FTCD: variants seen among roughly 807,000 people sequenced by gnomAD.
The protein encoded by FTCD is formimidoyltransferase cyclodeaminase.
In FTCD, 76 loss-of-function variants were observed where a neutral mutation model predicts 62.9. The ratio of observed to expected loss-of-function variants is 1.21; its 90% CI spans 1.00 to 1.46. The LOEUF is 1.46. Ranked by LOEUF, FTCD falls within the 40% of genes most tolerant of loss-of-function variation. FTCD has a pLI of 0.00. For synonymous variants in FTCD, 397 were observed against 336.9 expected, an observed-to-expected ratio of 1.18 and a Z score of -1.95; for missense variants, 845 against 751.3, an observed-to-expected ratio of 1.12 and a Z score of -1.46.
At position 46,138,896 on chromosome 21, in the gene FTCD, G is replaced by A. The variant is rs199735089; in HGVS notation, c.1288C>T (p.Pro430Ser). ...LEAMRLPKNT[P>S]EEKDRRTAAL... ...CAGGCTCACCTGTCCTTTTCCTCAG[G>A]TGTGTTCTTGGGGAGCCTCATTGCT... The change falls in exon 11 of 14, where the codon CCT (proline) becomes TCT (serine). Residue 430 changes from proline (P) to serine (S), a missense_variant. By Grantham distance (74) the Pro-to-Ser change is moderately conservative. Transcript: ENST00000397746. 89 of 1,612,984 alleles carry A rather than the reference G, an allele frequency of 5.5e-5. No individual in the cohort carries two copies. The highest frequency in any genetic ancestry group is 1.7e-5 in the Admixed American group (1 of 59,996).
chr21:46,140,753 C>T (rs59902485), intron 10 of FTCD, among the ~76,000 whole-genome samples: 2,211 of 21,468 alleles, frequency 0.1, no homozygotes, highest in South Asian at 0.14. Context: ...CGTAAACCAA[C>T]CCAGCACTCC....
chr21:46,141,802 T>C (rs73908558), intron 10 of FTCD, among the ~76,000 whole-genome samples: 2,719 of 152,112 alleles, frequency 0.018, 81 homozygotes, highest in African/African-American at 0.062. Context: ...GATAACTTCC[T>C]GGAAAAGAAG....
chr21:46,149,887 G>A (rs979009966), intron 7 of FTCD, among the ~76,000 whole-genome samples: 1 of 152,188 alleles, frequency 6.6e-6, no homozygotes, highest in African/African-American at 2.4e-5. Context: ...AAGCAGAAAG[G>A]GTGGGGTGTC....
chr21:46,149,803 G>A (rs569876148), intron 7 of FTCD, among the ~76,000 whole-genome samples: 3 of 152,318 alleles, frequency 2.0e-5, no homozygotes, highest in African/African-American at 7.2e-5. Context: ...AGGGGTGCAG[G>A]ACGCCCCGAT....
rs774544264 is a variant in FTCD at position 46,137,077 on chromosome 21, A to C, written c.1540-4T>G. The C allele has an allele frequency of 2.6e-5, 42 of 1,613,592 alleles. No homozygotes were observed. Among genetic ancestry groups the C allele is most frequent in the Non-Finnish European group, 1.1e-5 (13 of 1,179,972 alleles). ...GGCTGGAAACACGATGGTGGATCTG[A>C]TGGACACAGGGAAAGAGGGGTCTGG... On this transcript the variant is annotated splice_polypyrimidine_tract_variant and splice_region_variant and intron_variant, in intron 13 of 13. Coordinates refer to ENST00000397746, the MANE Select transcript of FTCD (RefSeq NM_206965.2).
At chr21:46,147,300 A>AC (rs1393933613) in intron 7 of FTCD, among the ~76,000 whole-genome samples, 4 of 151,388 alleles carry the variant, frequency 2.6e-5, no homozygotes, top group South Asian at 4.2e-4. Flanking sequence ...AAAAAAAAAA[A>AC]AATCTCCTGG....
At chr21:46,152,734 G>A (rs377172133) in intron 3 of FTCD, 173 bp downstream of exon 3, 61 of 591,478 alleles carry the variant, frequency 1.0e-4, no homozygotes, top group African/African-American at 9.9e-4. Context: ...GGCCGCAGGC[G>A]AGGCTGCGTT....
At chr21:46,137,165 G>A in intron 13 of FTCD, 74 bp downstream of exon 13, 1 of 1,584,638 alleles carries the variant, frequency 6.3e-7, no homozygotes, top group Non-Finnish European at 8.7e-7. Context: ...CCCACAGCCA[G>A]TCGGCAATCA....
In FTCD at chr21:46,136,907, G is replaced by C. The variant is rs555216993; in HGVS notation, c.*80C>G. Reference sequence around the variant, plus strand: ...TCCGGGCCCCACACGAACAAGCTGTGTCCCCACCGAGGTCACAGCTCTGCC... The same window carrying C: ...TCCGGGCCCCACACGAACAAGCTGTCTCCCCACCGAGGTCACAGCTCTGCC... On this transcript the variant is annotated 3_prime_UTR_variant, in exon 14 of 14. Coordinates refer to ENST00000397746, the MANE Select transcript of FTCD (RefSeq NM_206965.2). The C allele has an allele frequency of 1.3e-4, 216 of 1,602,606 alleles. 1 individual carries two copies. In the South Asian group the frequency reaches 1.9e-3, roughly 14 times the overall value.
chr21:46,151,427 C>T (rs2079270531), intron 5 of FTCD, 131 bp downstream of exon 5: 1 of 827,836 alleles, frequency 1.2e-6, no homozygotes, highest in East Asian at 2.5e-5. Context: ...CTGGGCCGGT[C>T]TGCAGGTGGG....
chr21:46,152,397 G>A (rs530020023), intron 3 of FTCD: 19 of 206,720 alleles, frequency 9.2e-5, no homozygotes, highest in African/African-American at 3.9e-4. Context: ...GATTTCCTTC[G>A]GGGGGACTGG....
chr21:46,142,590 G>C (rs990264129), intron 10 of FTCD: 1 of 152,294 alleles, frequency 6.6e-6, no homozygotes. Context: ...CACCTTGGCA[G>C]TGAGTGTTAC....
chr21:46,145,821 G>T lies in FTCD; in HGVS notation c.1095C>A (p.Ala365=). 2 of 586,390 alleles carry T rather than the reference G, an allele frequency of 3.4e-6. No homozygotes were observed. The highest frequency in any genetic ancestry group is 3.9e-6 in the Non-Finnish European group (2 of 512,432). The allele number at this position is 586,390 out of a possible 1,614,324, so 36.3% of individuals were successfully genotyped here. Reference sequence around the variant, plus strand: ...CTGCCCCTCCCCCCGCGCTCACCATGGCCGCAGCGGCCGCCGCCACCGAGC... The same window carrying T: ...CTGCCCCTCCCCCCGCGCTCACCATTGCCGCAGCGGCCGCCGCCACCGAGC... ...GGGSVAAAAA[A]MGAALGSMVG... is the part of the protein sequence containing the mutation. Residue 365 remains alanine (A), a synonymous_variant, in exon 9 of 14, where the codon GCC becomes GCA. Coordinates refer to ENST00000397746, the MANE Select transcript of FTCD (RefSeq NM_206965.2).
At chr21:46,145,719 C>G in intron 9 of FTCD, 99 bp downstream of exon 9, 1 of 533,356 alleles carries the variant, frequency 1.9e-6, no homozygotes, top group Non-Finnish European at 3.1e-6. Flanking sequence ...GGCCCCACCG[C>G]GCCCTCCCCA....
In FTCD at chr21:46,145,970, C is replaced by T. The variant is rs1169889536; in HGVS notation, c.969-23G>A. The T allele has an allele frequency of 5.8e-6, 8 of 1,384,044 alleles. No individual in the cohort carries two copies. In the Middle Eastern group the frequency reaches 7.4e-4, roughly 128 times the overall value. The allele number at this position is 1,384,044 out of a possible 1,614,324, so 85.7% of individuals were successfully genotyped here. On this transcript the variant is annotated intron_variant, in intron 8 of 13. Transcript: ENST00000397746. ...TACCTGCAGGGTGGGCGCGGCTCAGCGGGTCTGGCCGGGGTTGGTGGGGGG... is the reference window on the plus strand; with the variant it reads ...TACCTGCAGGGTGGGCGCGGCTCAGTGGGTCTGGCCGGGGTTGGTGGGGGG...
chr21:46,137,476 C>T, intron 12 of FTCD, 142 bp from the exon 13 acceptor site: 2 of 729,206 alleles, frequency 2.7e-6, no homozygotes, highest in Non-Finnish European at 4.9e-6. Flanking sequence ...CGCTTTCGCC[C>T]CACAGAGGGC....
Position 46,136,821 on chromosome 21 carries a change from CCTT to C in FTCD, c.*163_*165del, listed in dbSNP as rs748963399. ...ACTGGAGGTCACATGGGACTAGGGG[CCTT>C]CTGTCCCTGCCAGCGCCTCCATTCC... On this transcript the variant is annotated 3_prime_UTR_variant, in exon 14 of 14. Coordinates refer to ENST00000397746, the MANE Select transcript of FTCD (RefSeq NM_206965.2). 42 of 1,547,656 alleles carry C rather than the reference CCTT, an allele frequency of 2.7e-5. No homozygotes were observed. Among genetic ancestry groups the C allele is most frequent in the African/African-American group, 1.4e-5 (1 of 72,990 alleles).
At chr21:46,141,685 C>A (rs908711544) in intron 10 of FTCD, among the ~76,000 whole-genome samples, 1 of 151,628 alleles carries the variant, frequency 6.6e-6, no homozygotes, top group African/African-American at 2.4e-5. Context: ...ACGGGGAAAG[C>A]TGAGCCCAGA....
At chr21:46,141,792 G>T (rs1000467927) in intron 10 of FTCD, among the ~76,000 whole-genome samples, 1 of 152,166 alleles carries the variant, frequency 6.6e-6, no homozygotes, top group Non-Finnish European at 1.5e-5. Context: ...ATATTCACCA[G>T]ATAACTTCCT....
Sources: allele counts gnomAD v4.1 joint callset (sites outside exome capture counted in the v4.1 genomes callset), GRCh38; gene constraint gnomAD v4.1.1; transcripts MANE v1.5; gene names NCBI Gene and HGNC (gene_info 2026-07-23, HGNC 2026-07-21).